The following TNFRSF19 variants were observed in gnomAD, a reference collection of about 807,000 sequenced individuals.
The protein encoded by TNFRSF19 is TNF receptor superfamily member 19, also known as tumor necrosis factor receptor superfamily member 19.
In TNFRSF19, 27 loss-of-function variants were observed where a neutral mutation model predicts 46.4. The observed-to-expected ratio is 0.58, with a 90% CI of 0.43 to 0.80. TNFRSF19 has a LOEUF of 0.80. Ranked by LOEUF, TNFRSF19 falls within the 30% of genes least tolerant of loss-of-function variation. The pLI, the probability that TNFRSF19 is intolerant of heterozygous loss-of-function variation, is 0.00. For missense variants in TNFRSF19, 511 were observed against 530.8 expected (o/e 0.96, Z 0.37); for synonymous variants, 204 against 205.0 (o/e 1.00, Z 0.04).
intron 1 of TNFRSF19, among the ~76,000 whole-genome samples, chr13:23,589,447 A>G (rs1360763891): frequency 6.6e-6 from 1 of 152,206 alleles, no homozygotes; most frequent in Admixed American, 6.5e-5. Context: ...ATAAATGCAA[A>G]ATATTGTCTG....
chr13:23,628,225 A>C (rs1441826978), intron 5 of TNFRSF19, among the ~76,000 whole-genome samples: 1 of 152,178 alleles, frequency 6.6e-6, no homozygotes, highest in Non-Finnish European at 1.5e-5. Context: ...TGTCTCCCTA[A>C]GCTCCCTAAG....
chr13:23,599,994 G>A (rs1458601928), intron 3 of TNFRSF19, among the ~76,000 whole-genome samples: 3 of 152,192 alleles, frequency 2.0e-5, no homozygotes, highest in Admixed American at 2.0e-4. Context: ...CCAAATCTCA[G>A]TGAAAATCTG....
At chr13:23,645,195 T>A (rs1883259950) in intron 5 of TNFRSF19, among the ~76,000 whole-genome samples, 1 of 152,204 alleles carries the variant, frequency 6.6e-6, no homozygotes, top group South Asian at 2.1e-4. Flanking sequence ...AAATAAAATA[T>A]CCTGATGTAG....
chr13:23,653,988 G>A (rs1238647407), intron 5 of TNFRSF19, among the ~76,000 whole-genome samples: 2 of 152,106 alleles, frequency 1.3e-5, no homozygotes, highest in South Asian at 4.2e-4. Flanking sequence ...GCCTCAGTGG[G>A]TCTTGGTGTC....
At chr13:23,617,410 T>C in intron 4 of TNFRSF19, among the ~76,000 whole-genome samples, 1 of 152,094 alleles carries the variant, frequency 6.6e-6, no homozygotes, top group African/African-American at 2.4e-5. Context: ...TCTAAGTAAC[T>C]GTGGGATGGA....
At chr13:23,671,337 A>C (rs1199121978) in intron 9 of TNFRSF19, among the ~76,000 whole-genome samples, 1 of 152,198 alleles carries the variant, frequency 6.6e-6, no homozygotes, top group Non-Finnish European at 1.5e-5. Flanking sequence ...GGTTTTTACT[A>C]ACTTTTCAAG....
At chr13:23,668,533 T>C (rs1001407902) in intron 8 of TNFRSF19, among the ~76,000 whole-genome samples, 159 bp from the exon 9 acceptor site, 18 of 152,362 alleles carry the variant, frequency 1.2e-4, no homozygotes, top group Admixed American at 5.2e-4. Context: ...ATTTGACTTA[T>C]TGTATTGAGA....
intron 4 of TNFRSF19, among the ~76,000 whole-genome samples, chr13:23,622,319 G>C (rs1471535799): frequency 6.6e-6 from 1 of 151,986 alleles, no homozygotes; most frequent in Admixed American, 6.6e-5. Context: ...TGAGGGAGGA[G>C]AATCGCTGGA....
chr13:23,616,585 G>T (rs200499168), intron 4 of TNFRSF19, among the ~76,000 whole-genome samples: 1 of 148,070 alleles, frequency 6.8e-6, no homozygotes, highest in Non-Finnish European at 1.5e-5. Context: ...TGTTTGTTTT[G>T]TTTTGTTCTG....
At chr13:23,589,904 G>A (rs1879135240) in intron 1 of TNFRSF19, among the ~76,000 whole-genome samples, 1 of 152,138 alleles carries the variant, frequency 6.6e-6, no homozygotes, top group Non-Finnish European at 1.5e-5. Flanking sequence ...GGTATAGCCT[G>A]GGAACTCAGA....
At chr13:23,574,834 T>C (rs1877855768) in intron 1 of TNFRSF19, among the ~76,000 whole-genome samples, 1 of 152,222 alleles carries the variant, frequency 6.6e-6, no homozygotes, top group African/African-American at 2.4e-5. Context: ...GGCTCCAAAG[T>C]TGTTACCTCA....
intron 4 of TNFRSF19, among the ~76,000 whole-genome samples, chr13:23,625,389 C>T (rs796728413): frequency 5.2e-4 from 70 of 135,524 alleles, no homozygotes; most frequent in African/African-American, 1.7e-3. Flanking sequence ...AGTGCAGTGG[C>T]GCTATCTCAG....
intron 3 of TNFRSF19, among the ~76,000 whole-genome samples, chr13:23,607,253 G>A (rs532085208): frequency 9.9e-5 from 15 of 152,270 alleles, no homozygotes; most frequent in African/African-American, 3.6e-4. Flanking sequence ...GGCCAACATG[G>A]TGAAACCCCA....
At chr13:23,606,054 G>A (rs1296051609) in intron 3 of TNFRSF19, among the ~76,000 whole-genome samples, 1 of 152,092 alleles carries the variant, frequency 6.6e-6, no homozygotes, top group Non-Finnish European at 1.5e-5. Context: ...GGAGGGCGGG[G>A]CATGTAAGGA....
In TNFRSF19 at chr13:23,673,611, T is replaced by C; in HGVS notation, c.*231T>C. 1 of 1,191,254 alleles carries C rather than the reference T, an allele frequency of 8.4e-7. No individual in the cohort carries two copies. Among genetic ancestry groups the C allele is most frequent in the Non-Finnish European group, 1.1e-6 (1 of 950,996 alleles). 73.8% of individuals were successfully genotyped at this position (1,191,254 alleles called of 1,614,324 possible). A position where few individuals can be genotyped will look rare whatever the true frequency, so the allele number is the denominator to read the frequency against. ...AAGACTCCAGGCCGACTCATGATAC[T>C]CTGCATCTTTCCTACATGAGAAGCT... On this transcript the variant is annotated 3_prime_UTR_variant, in exon 10 of 10. Coordinates refer to ENST00000248484, the MANE Select transcript of TNFRSF19 (RefSeq NM_148957.4).
chr13:23,614,097 T>TC (rs143411271), intron 3 of TNFRSF19, among the ~76,000 whole-genome samples: 3 of 152,054 alleles, frequency 2.0e-5, no homozygotes, highest in Admixed American at 6.6e-5. Context: ...GTTGTTTGTC[T>TC]CCCCCCTCCT....
At chr13:23,627,544 C>T (rs1036282041) in intron 5 of TNFRSF19, among the ~76,000 whole-genome samples, 6 of 152,168 alleles carry the variant, frequency 3.9e-5, no homozygotes, top group South Asian at 2.1e-4. Context: ...GGAAGGGAAC[C>T]GGTGAGTGGC....
At chr13:23,641,347 G>T (rs1250900093) in intron 5 of TNFRSF19, among the ~76,000 whole-genome samples, 1 of 151,966 alleles carries the variant, frequency 6.6e-6, no homozygotes, top group Non-Finnish European at 1.5e-5. Context: ...TTCTTTTTTG[G>T]TGAGGGATGG....
intron 1 of TNFRSF19, among the ~76,000 whole-genome samples, chr13:23,571,339 C>T (rs919287756): frequency 6.6e-5 from 10 of 152,182 alleles, no homozygotes; most frequent in African/African-American, 2.2e-4. Context: ...AGATGTAAAT[C>T]TATCAAATAC....
Sources: allele counts gnomAD v4.1 joint callset (sites outside exome capture counted in the v4.1 genomes callset), GRCh38; gene constraint gnomAD v4.1.1; transcripts MANE v1.5; gene names NCBI Gene and HGNC (gene_info 2026-07-23, HGNC 2026-07-21).